Variants in TBC1D2B observed in about 807,000 individuals in gnomAD.
TBC1D2B encodes TBC1 domain family member 2B, also known as TBC1 domain family, member 2B.
In TBC1D2B, 64 loss-of-function variants were observed where a neutral mutation model predicts 100.8. The observed-to-expected ratio is 0.64, with a 90% CI of 0.52 to 0.78. The LOEUF (loss-of-function observed/expected upper bound fraction) is 0.78. Ranked by LOEUF, TBC1D2B falls within the 30% of genes least tolerant of loss-of-function variation. The pLI is 0.00. For missense variants in TBC1D2B, 1,052 were observed against 1,218.4 expected (o/e 0.86, Z 2.03); for synonymous variants, 480 against 479.7 (o/e 1.00, Z -0.01).
rs2071796546 is a variant in TBC1D2B at position 77,997,555 on chromosome 15, G to C, written c.*605C>G. ...AAGGGTTGCGTGTGGAAGAGCAAAG[G>C]CTATTCTAGAAATGGGGCATGGCTG... On this transcript the variant is annotated 3_prime_UTR_variant, in exon 13 of 13. Transcript: ENST00000300584. 1 of 152,316 alleles carries C rather than the reference G, an allele frequency of 6.6e-6. No individual in the cohort carries two copies. The highest frequency in any genetic ancestry group is 6.5e-5 in the Admixed American group (1 of 15,292). The allele number at this position is 152,316 out of a possible 1,614,324, so 9.4% of individuals were successfully genotyped here.
In TBC1D2B at chr15:78,030,173, G is replaced by A. The variant is rs1377713197; in HGVS notation, c.684-3C>T. ...GACGGAAAGAAGACATCGAATTCCT[G>A]TTGGGAAAAACAATATGTGTTATTA... is the stretch of plus-strand genomic sequence containing the variant. On this transcript the variant is annotated splice_polypyrimidine_tract_variant and splice_region_variant and intron_variant, in intron 3 of 12. Transcript: ENST00000300584. 2 of 1,608,060 alleles carry A rather than the reference G, an allele frequency of 1.2e-6. No homozygotes were observed. The highest frequency in any genetic ancestry group is 2.2e-5 in the South Asian group (2 of 89,822).
At chr15:78,045,958 T>C (rs2073186245) in intron 2 of TBC1D2B, among the ~76,000 whole-genome samples, 1 of 151,972 alleles carries the variant, frequency 6.6e-6, no homozygotes, top group Admixed American at 6.6e-5. Context: ...ATAGACGGAG[T>C]TTTGCTCTTG....
At chr15:78,041,121 GA>G (rs1555420874) in intron 3 of TBC1D2B, among the ~76,000 whole-genome samples, 1 of 151,966 alleles carries the variant, frequency 6.6e-6, no homozygotes, top group Non-Finnish European at 1.5e-5. Flanking sequence ...TTTTTTCTTT[GA>G]TTTTTCACGA....
chr15:78,031,032 CG>C (rs2072794918), intron 3 of TBC1D2B, among the ~76,000 whole-genome samples: 5 of 152,052 alleles, frequency 3.3e-5, no homozygotes, highest in Admixed American at 3.3e-4. Flanking sequence ...CAAAGCTATA[CG>C]TATCATAGGG....
rs769899951 is a variant in TBC1D2B, at chr15:77,998,237, G to A, written c.2815C>T (p.Arg939Cys). 10 of 1,589,574 alleles carry A rather than the reference G, an allele frequency of 6.3e-6. No individual in the cohort carries two copies. The highest frequency in any genetic ancestry group is 1.3e-5 in the African/African-American group (1 of 74,500). Residue 939 changes from arginine to cysteine, a missense_variant, in exon 13 of 13, where the codon CGT (arginine) becomes TGT (cysteine). Physicochemically the swap from Arg to Cys is radical, Grantham distance 180 (BLOSUM62 -3). This residue lies in a region of TBC1D2B where 47 missense variants were observed against 88.3 expected (regional missense o/e 0.53). Transcript: ENST00000300584. ...TCCCGCTCACGCAGGAAGTCCTCAC[G>A]GATGGCCTCCAGCTCGGTCAGCTCC... ...RLELTELEAI[R>C]EDFLRERDTS...
intron 10 of TBC1D2B, among the ~76,000 whole-genome samples, chr15:78,007,232 T>C (rs1235142999): frequency 6.6e-6 from 1 of 152,228 alleles, no homozygotes; most frequent in Non-Finnish European, 1.5e-5. Flanking sequence ...AAGGCATCTT[T>C]ACCCTGAGGA....
intron 2 of TBC1D2B, among the ~76,000 whole-genome samples, chr15:78,051,982 G>A (rs1359727789): frequency 6.6e-6 from 1 of 152,164 alleles, no homozygotes; most frequent in African/African-American, 2.4e-5. Context: ...GAAGTCTAAT[G>A]TTACAGTCAT....
At chr15:78,052,505 G>A (rs2073334169) in intron 2 of TBC1D2B, among the ~76,000 whole-genome samples, 2 of 152,112 alleles carry the variant, frequency 1.3e-5, no homozygotes, top group African/African-American at 4.8e-5. Flanking sequence ...CATATCAAAG[G>A]AGGAGAAACA....
In TBC1D2B at chr15:78,044,956, TG is replaced by T; in HGVS notation, c.626del (p.Pro209GlnfsTer12). The T allele has an allele frequency of 6.2e-7, 1 of 1,613,776 alleles. No homozygotes were observed. Among genetic ancestry groups the T allele is most frequent in the South Asian group, 1.1e-5 (1 of 91,050 alleles). On this transcript the variant is annotated frameshift_variant, in exon 3 of 13. Transcript: ENST00000300584. LOFTEE classifies it high-confidence loss of function. The part of the protein sequence containing the change: ...VGEQAANQPA[P>X]GHPNSINFYS... ...AAAAATTAATGGAATTTGGATGCCCTGGGGCGGGCTGATTTGCAGCTTGTTC... is the reference window on the plus strand; with the variant it reads ...AAAAATTAATGGAATTTGGATGCCCTGGGCGGGCTGATTTGCAGCTTGTTC...
chr15:78,029,618 C>T (rs543948228), intron 4 of TBC1D2B, among the ~76,000 whole-genome samples: 18 of 152,174 alleles, frequency 1.2e-4, no homozygotes, highest in Admixed American at 7.9e-4. Context: ...AGCTTAGAGA[C>T]GGAGAAGGAA....
intron 1 of TBC1D2B, among the ~76,000 whole-genome samples, chr15:78,068,603 T>C (rs995155395): frequency 6.6e-6 from 1 of 152,204 alleles, no homozygotes; most frequent in Non-Finnish European, 1.5e-5. Context: ...ATCCTGAATC[T>C]GTAGCCGACT....
At chr15:78,012,332 G>A (rs2072252648) in intron 9 of TBC1D2B, among the ~76,000 whole-genome samples, 1 of 152,164 alleles carries the variant, frequency 6.6e-6, no homozygotes, top group Non-Finnish European at 1.5e-5. Context: ...CTCTGCCTAT[G>A]GAAGTAGGGA....
In TBC1D2B at chr15:78,012,830, G is replaced by C. The variant is rs1235669727; in HGVS notation, c.2263C>G (p.Leu755Val). 1.3e-6 allele frequency: 2 copies of C among 1,512,090 alleles called. No individual in the cohort carries two copies. Among genetic ancestry groups the C allele is most frequent in the African/African-American group, 1.4e-5 (1 of 71,626 alleles). 93.7% of individuals were successfully genotyped at this position (1,512,090 alleles called of 1,614,324 possible). A position where few individuals can be genotyped will look rare whatever the true frequency, so the allele number is the denominator to read the frequency against. Residue 755 changes from leucine (L) to valine (V), a missense_variant, in exon 9 of 13, where the codon CTA (leucine) becomes GTA (valine). Physicochemically the swap from Leu to Val is conservative, Grantham distance 32. This residue lies in a region of TBC1D2B where 373 missense variants were observed against 464.9 expected (regional missense o/e 0.80). Coordinates refer to ENST00000300584, the MANE Select transcript of TBC1D2B (RefSeq NM_144572.2). ...RNPDIGYCQG[L>V]NRLVAVALLY... ...TTTGTGCTGTGCACCCACCTGTTTA[G>C]GCCTTGACAGTAGCCGATATCTGGA...
intron 4 of TBC1D2B, 113 bp downstream of exon 4, chr15:78,029,894 C>T: frequency 1.4e-6 from 1 of 732,870 alleles, no homozygotes; most frequent in East Asian, 2.9e-5. Context: ...GAATGCAAGC[C>T]CCCATTGGTC....
At chr15:78,003,107 A>G in intron 11 of TBC1D2B, 198 bp downstream of exon 11, 1 of 546,412 alleles carries the variant, frequency 1.8e-6, no homozygotes, top group Non-Finnish European at 3.3e-6. Flanking sequence ...ATGTGGGTTG[A>G]ATGTTTCTGA....
chr15:78,067,988 C>T (rs2073685362), intron 1 of TBC1D2B, among the ~76,000 whole-genome samples: 1 of 152,346 alleles, frequency 6.6e-6, no homozygotes, highest in East Asian at 1.9e-4. Context: ...AAAATTATTA[C>T]ACAAATCACA....
intron 1 of TBC1D2B, among the ~76,000 whole-genome samples, chr15:78,069,383 T>C (rs1312128731): frequency 6.6e-6 from 1 of 152,158 alleles, no homozygotes. Context: ...AGAAACAAAA[T>C]TAAGAAGCAA....
chr15:78,020,171 T>A (rs1018160235), intron 6 of TBC1D2B, among the ~76,000 whole-genome samples: 1 of 152,172 alleles, frequency 6.6e-6, no homozygotes, highest in African/African-American at 2.4e-5. Context: ...GTATGAGCTA[T>A]TGCACCTGGC....
At chr15:78,039,773 C>T (rs1317781301) in intron 3 of TBC1D2B, among the ~76,000 whole-genome samples, 3 of 152,048 alleles carry the variant, frequency 2.0e-5, no homozygotes, top group Admixed American at 2.0e-4. Context: ...CACACACACA[C>T]ACACACACAC....
Sources: allele counts gnomAD v4.1 joint callset (sites outside exome capture counted in the v4.1 genomes callset), GRCh38; gene constraint gnomAD v4.1.1; regional missense constraint gnomAD v4.1.1; transcripts MANE v1.5; gene names NCBI Gene and HGNC (gene_info 2026-07-23, HGNC 2026-07-21).